PRMT7: variants seen among roughly 807,000 people sequenced by gnomAD.
PRMT7 encodes protein arginine methyltransferase 7, also known as protein arginine N-methyltransferase 7.
In PRMT7, 75 loss-of-function variants were observed where a neutral mutation model predicts 85.4. The observed-to-expected ratio is 0.88, with a 90% CI of 0.73 to 1.06. The LOEUF (loss-of-function observed/expected upper bound fraction) is 1.06. Ranked by LOEUF, PRMT7 falls within the 50% of genes least tolerant of loss-of-function variation. PRMT7 has a pLI of 0.00. For missense variants in PRMT7, 868 were observed against 915.2 expected (o/e 0.95, Z 0.67); for synonymous variants, 397 against 359.5 (o/e 1.10, Z -1.18).
chr16:68,339,749 G>A, intron 8 of PRMT7, 39 bp from the exon 9 acceptor site: 1 of 1,599,468 alleles, frequency 6.3e-7, no homozygotes, highest in East Asian at 2.2e-5. Context: ...GAGTGTGTGA[G>A]GTTAAACTCT....
At chr16:68,353,414 A>T (rs761959001) in intron 15 of PRMT7, 78 bp from the exon 16 acceptor site, 2 of 1,600,844 alleles carry the variant, frequency 1.2e-6, no homozygotes, top group Non-Finnish European at 1.7e-6. Context: ...GAACAGCAAG[A>T]TGTGCCTCTT....
intron 4 of PRMT7, chr16:68,324,429 GGT>G (rs2082864359): frequency 5.8e-6 from 3 of 516,022 alleles, no homozygotes; most frequent in Middle Eastern, 5.2e-4. Context: ...AGGAGAACAT[GGT>G]TTGCAGGGCT....
Position 68,345,576 on chromosome 16 carries a change from A to G in PRMT7, c.928-99A>G, listed in dbSNP as rs544565940. The G allele has an allele frequency of 7.2e-6, 11 of 1,528,698 alleles. No individual in the cohort carries two copies. In the South Asian group the frequency reaches 1.2e-4, roughly 16 times the overall value. 94.7% of individuals were successfully genotyped at this position (1,528,698 alleles called of 1,614,324 possible). ...TAGCCAGCTGTAGTCTACATTGTGG[A>G]CGTCCTGAAAACTGGCAGTTCTCTG... On this transcript the variant is annotated intron_variant, in intron 9 of 18. Coordinates refer to ENST00000441236, the MANE Select transcript of PRMT7 (RefSeq NM_019023.5).
rs533086221 is a variant in PRMT7 at position 68,327,916 on chromosome 16, G to A, written c.283-1150G>A. On this transcript the variant is annotated intron_variant, in intron 5 of 18. Transcript: ENST00000441236. ...ACTGGACTCCAGCCTGGACAATAGA[G>A]TGAGACCCTTCTCAAAAAAAAAAAA... 6.2e-5 allele frequency among the ~76,000 whole-genome samples: 6 copies of A among 97,134 alleles called. No individual in the cohort carries two copies. In the South Asian group the frequency reaches 1.6e-3, roughly 25 times the overall value. 63.7% of individuals were successfully genotyped at this position (97,134 alleles called of 152,430 possible).
In PRMT7 at chr16:68,337,535, GC is replaced by G. The variant is rs770567326; in HGVS notation, c.471del (p.Ser158ProfsTer73). On this transcript the variant is annotated frameshift_variant, in exon 7 of 19. Transcript: ENST00000441236. LOFTEE classifies it high-confidence loss of function. ...CAGAGCTGATCGGGGAGGGGGCGCT[GC>G]CCTCCTATGAGCACGCACACAGGCA... Reference protein sequence around the residue: ...DTELIGEGALPSYEHAHRHLV... With the variant: ...DTELIGEGALXSYEHAHRHLV... 1.4e-5 allele frequency: 23 copies of G among 1,610,922 alleles called. No homozygotes were observed. Among genetic ancestry groups the G allele is most frequent in the Non-Finnish European group, 1.9e-5 (22 of 1,177,790 alleles).
intron 3 of PRMT7, among the ~76,000 whole-genome samples, chr16:68,321,160 C>G (rs2082442789): frequency 6.6e-6 from 1 of 151,562 alleles, no homozygotes; most frequent in South Asian, 2.1e-4. Flanking sequence ...TCCCAGCTAC[C>G]TGGGAGGCTG....
At chr16:68,319,244 G>A (rs2082210173) in intron 3 of PRMT7, among the ~76,000 whole-genome samples, 1 of 152,156 alleles carries the variant, frequency 6.6e-6, no homozygotes. Context: ...TCTCTCAAGG[G>A]GGTGTGGAAT....
At position 68,352,237 on chromosome 16, in the gene PRMT7, CCATTCA is replaced by C. The variant is rs770494819; in HGVS notation, c.1414-9_1414-4del. 8.1e-6 allele frequency: 13 copies of C among 1,612,242 alleles called. No individual in the cohort carries two copies. In the South Asian group the frequency reaches 1.4e-4, roughly 18 times the overall value. ...CTGACACCTGGGCCCTGCTTCTCGCCCATTCACCAGGTCTCTCTCCTCCTGGGCGAG... is the reference window on the plus strand; with the variant it reads ...CTGACACCTGGGCCCTGCTTCTCGCCCCAGGTCTCTCTCCTCCTGGGCGAG... On this transcript the variant is annotated splice_region_variant and splice_polypyrimidine_tract_variant and intron_variant, in intron 14 of 18. Transcript: ENST00000441236.
rs967885863 is a variant in PRMT7, at chr16:68,339,485, C to A, written c.668C>A (p.Pro223His). The A allele has an allele frequency of 1.1e-5, 17 of 1,614,154 alleles. No homozygotes were observed. The highest frequency in any genetic ancestry group is 1.4e-5 in the Non-Finnish European group (17 of 1,180,038). Reference protein sequence around the residue: ...PVDVESCPGAPSVCDIQLNQV... With the variant: ...PVDVESCPGAHSVCDIQLNQV... ...GACGTGGAGAGCTGCCCTGGCGCACCCTCTGTCTGTGACATTCAGCTGAAC... is the reference window on the plus strand; with the variant it reads ...GACGTGGAGAGCTGCCCTGGCGCACACTCTGTCTGTGACATTCAGCTGAAC... The change falls in exon 8 of 19, where the codon CCC (proline) becomes CAC (histidine). Residue 223 changes from proline to histidine, a missense_variant. Pro to His is a moderately conservative substitution (Grantham distance 77). Coordinates refer to ENST00000441236, the MANE Select transcript of PRMT7 (RefSeq NM_019023.5).
chr16:68,319,170 A>T (rs1164917339), intron 3 of PRMT7: 1 of 152,318 alleles, frequency 6.6e-6, no homozygotes, highest in Non-Finnish European at 1.5e-5. Context: ...CCAATGGCAG[A>T]TAGAATTTTG....
In PRMT7 at chr16:68,352,242, C is replaced by T; in HGVS notation, c.1414-6C>T. 1 of 1,612,628 alleles carries T rather than the reference C, an allele frequency of 6.2e-7. No individual in the cohort carries two copies. Among genetic ancestry groups the T allele is most frequent in the Non-Finnish European group, 8.5e-7 (1 of 1,179,708 alleles). ...ACCTGGGCCCTGCTTCTCGCCCATT[C>T]ACCAGGTCTCTCTCCTCCTGGGCGA... is the stretch of plus-strand genomic sequence containing the variant. On this transcript the variant is annotated splice_polypyrimidine_tract_variant and splice_region_variant and intron_variant, in intron 14 of 18. Transcript: ENST00000441236.
In PRMT7 at chr16:68,315,887, A is replaced by T. The variant is rs2044682883; in HGVS notation, c.-83-10A>T. Reference sequence around the variant, plus strand: ...TTTATATACCTCCTGTTTCCTTCTGATGTTAATAGATTTCTGACAGTCAGA... The same window carrying T: ...TTTATATACCTCCTGTTTCCTTCTGTTGTTAATAGATTTCTGACAGTCAGA... On this transcript the variant is annotated splice_polypyrimidine_tract_variant and intron_variant, in intron 2 of 18. Coordinates refer to ENST00000441236, the MANE Select transcript of PRMT7 (RefSeq NM_019023.5). The T allele has an allele frequency of 3.0e-6, 3 of 1,008,650 alleles. No homozygotes were observed. Among genetic ancestry groups the T allele is most frequent in the Non-Finnish European group, 4.7e-6 (3 of 644,258 alleles). The allele number at this position is 1,008,650 out of a possible 1,614,324, so 62.5% of individuals were successfully genotyped here. A position where few individuals can be genotyped will look rare whatever the true frequency, so the allele number is the denominator to read the frequency against.
intron 9 of PRMT7, among the ~76,000 whole-genome samples, chr16:68,343,784 T>C (rs1164977731): frequency 6.6e-6 from 1 of 152,258 alleles, no homozygotes. Context: ...CTAGTTTTTA[T>C]GTTCAAGTAA....
intron 3 of PRMT7, chr16:68,318,866 G>A (rs1160272841): frequency 6.6e-6 from 1 of 152,342 alleles, no homozygotes; most frequent in African/African-American, 2.4e-5. Context: ...TATTAAACAG[G>A]AGAGAAAGAG....
rs372375423 is a variant in PRMT7 at position 68,339,861 on chromosome 16, C to T, written c.820C>T (p.Arg274Ter). 38 of 1,614,030 alleles carry T rather than the reference C, an allele frequency of 2.4e-5. No homozygotes were observed. The highest frequency in any genetic ancestry group is 3.0e-5 in the Non-Finnish European group (35 of 1,179,998). The change falls in exon 9 of 19, where the codon CGA becomes TGA. Residue 274 changes from arginine to a stop codon, truncating the protein, a stop_gained. Transcript: ENST00000441236. LOFTEE classifies it high-confidence loss of function. ...GCGGTTTGAACCTCTGACATCTGGC[C>T]GAGCTCAGGTGGTTCTCTCGTGGTG... ...SRRFEPLTSG[R>*]AQVVLSWWDI...
chr16:68,327,757 G>A (rs771920351), intron 5 of PRMT7, among the ~76,000 whole-genome samples: 4 of 151,952 alleles, frequency 2.6e-5, no homozygotes, highest in Non-Finnish European at 5.9e-5. Flanking sequence ...AGACCAGCCT[G>A]GGCAACATGG....
At chr16:68,352,645 G>C (rs1473980986) in intron 15 of PRMT7, 1 of 418,674 alleles carries the variant, frequency 2.4e-6, no homozygotes, top group African/African-American at 2.0e-5. Context: ...TACAATTGTG[G>C]CTTATCAGAA....
Position 68,337,112 on chromosome 16 carries a change from T to G in PRMT7, c.392-347T>G, listed in dbSNP as rs188288095. Among the ~76,000 whole-genome samples the G allele has an allele frequency of 3.9e-5, 6 of 152,302 alleles. No individual in the cohort carries two copies. The East Asian group carries it at 1.2e-3, about 29-fold the overall frequency. Reference sequence around the variant, plus strand: ...CATGTTTCCCAGGCTGATCTCAAACTCCTGAACTCAATCCATTGGGTATTT... The same window carrying G: ...CATGTTTCCCAGGCTGATCTCAAACGCCTGAACTCAATCCATTGGGTATTT... On this transcript the variant is annotated intron_variant, in intron 6 of 18. Coordinates refer to ENST00000441236, the MANE Select transcript of PRMT7 (RefSeq NM_019023.5).
Position 68,339,369 on chromosome 16 carries a change from G to A in PRMT7, c.552G>A (p.Leu184=). The A allele has an allele frequency of 6.2e-7, 1 of 1,614,184 alleles. No individual in the cohort carries two copies. Among genetic ancestry groups the A allele is most frequent in the Admixed American group, 1.7e-5 (1 of 60,028 alleles). ...VPHRATVYAQ[L]VESGRMWSWN... is the part of the protein sequence containing the mutation. ...ACAGAGCCACCGTCTATGCACAGCT[G>A]GTGGAGTCCGGGAGGATGTGGTCGT... Residue 184 remains leucine (L), a synonymous_variant, in exon 8 of 19, where the codon CTG becomes CTA. Coordinates refer to ENST00000441236, the MANE Select transcript of PRMT7 (RefSeq NM_019023.5).
Sources: gnomAD v4.1 joint callset for allele counts (sites outside exome capture counted in the v4.1 genomes callset) on GRCh38, gnomAD v4.1.1 for gene constraint, MANE v1.5 for transcripts, NCBI Gene and HGNC (gene_info 2026-07-23, HGNC 2026-07-21) for gene names.